The following KAZN variants were observed in gnomAD, a reference collection of about 807,000 sequenced individuals.
KAZN encodes kazrin.
KAZN carries 40 observed loss-of-function variants against 87.4 expected under a neutral mutation model. That is an observed-to-expected ratio of 0.46 (90% CI 0.36 to 0.60). KAZN has a LOEUF of 0.60. KAZN is among the 20% of genes least tolerant of loss of function. KAZN has a pLI of 0.00. For synonymous variants in KAZN, 466 were observed against 458.3 expected, an observed-to-expected ratio of 1.02 and a Z score of -0.22; for missense variants, 898 against 1,073.9, an observed-to-expected ratio of 0.84 and a Z score of 2.29.
chr1:14,409,397 A>G (rs530841801), intron 2 of KAZN, among the ~76,000 whole-genome samples: 1 of 152,266 alleles, frequency 6.6e-6, no homozygotes, highest in African/African-American at 2.4e-5. Context: ...ATGGAGGAAA[A>G]CCACCTACCT....
intron 1 of KAZN, among the ~76,000 whole-genome samples, chr1:14,604,081 A>G (rs1373065300): frequency 6.6e-6 from 1 of 152,078 alleles, no homozygotes; most frequent in African/African-American, 2.4e-5. Context: ...CCCCTGCCAT[A>G]TATCAGGGGG....
chr1:14,741,915 A>G (rs979453515), intron 1 of KAZN, among the ~76,000 whole-genome samples: 3 of 152,022 alleles, frequency 2.0e-5, no homozygotes, highest in African/African-American at 7.3e-5. Flanking sequence ...CTGTTAACCA[A>G]TTCAATGTTG....
intron 2 of KAZN, among the ~76,000 whole-genome samples, chr1:14,549,410 C>T (rs1673362564): frequency 6.6e-6 from 1 of 152,134 alleles, no homozygotes; most frequent in Non-Finnish European, 1.5e-5. Flanking sequence ...AGAGGAAGTC[C>T]CTTCCCAAAT....
At chr1:14,227,498 C>T (rs561447924) in intron 2 of KAZN, among the ~76,000 whole-genome samples, 1 of 152,258 alleles carries the variant, frequency 6.6e-6, no homozygotes, top group Admixed American at 6.5e-5. Context: ...GCCCTCCAGC[C>T]TGGTGATCTC....
intron 1 of KAZN, among the ~76,000 whole-genome samples, chr1:14,775,934 G>C (rs942578112): frequency 3.3e-5 from 5 of 152,214 alleles, no homozygotes; most frequent in Non-Finnish European, 7.3e-5. Flanking sequence ...CTTCCACATG[G>C]AACCACCATA....
intron 2 of KAZN, among the ~76,000 whole-genome samples, chr1:14,437,662 C>T (rs1167172978): frequency 6.6e-6 from 1 of 152,184 alleles, no homozygotes; most frequent in Non-Finnish European, 1.5e-5. Flanking sequence ...AATCCGTGCC[C>T]CTGCCAGGAG....
At chr1:14,566,190 G>C (rs1261451825) in intron 2 of KAZN, among the ~76,000 whole-genome samples, 2 of 152,204 alleles carry the variant, frequency 1.3e-5, no homozygotes, top group African/African-American at 4.8e-5. Context: ...CTGCAGAAAG[G>C]ATGCTGTGTT....
chr1:15,109,737 GTGTGTT>G (rs780945829), intron 13 of KAZN, among the ~76,000 whole-genome samples: 2 of 150,932 alleles, frequency 1.3e-5, no homozygotes, highest in African/African-American at 2.5e-5. Flanking sequence ...CTGTGTGTAT[GTGTGTT>G]TGTGTTTGTA....
chr1:14,847,428 A>G (rs564979566), intron 1 of KAZN, among the ~76,000 whole-genome samples: 1 of 152,278 alleles, frequency 6.6e-6, no homozygotes, highest in South Asian at 2.1e-4. Context: ...ATTGAAATTG[A>G]TGTAGGCTTG....
In KAZN at chr1:13,968,573, A is replaced by G. The variant is rs137855796; in HGVS notation, c.91+74817A>G. The stretch of plus-strand genomic sequence containing the variant: ...TTCCGCATTGTCCATTCTGTCTTGA[A>G]TCACTTCCGGTTGGATTTTGTCCCT... On this transcript the variant is annotated intron_variant, in intron 1 of 16. Coordinates refer to the KAZN transcript ENST00000636203. 2.0e-3 allele frequency among the ~76,000 whole-genome samples: 306 copies of G among 152,280 alleles called. 2 individuals carry two copies. The highest frequency in any genetic ancestry group is 7.1e-3 in the African/African-American group (295 of 41,530).
In KAZN at chr1:15,112,539, C is replaced by T. The variant is rs770316798; in HGVS notation, c.2161C>T (p.Arg721Trp). The change falls in exon 14 of 15, where the codon CGG becomes TGG. Residue 721 changes from arginine to tryptophan, a missense_variant and splice_region_variant. This residue lies in a region of KAZN where 127 missense variants were observed against 121.5 expected (regional missense o/e 1.04). Transcript: ENST00000376030. ...NSSGLKYKAG[R>W]LPLGKIGRGF... ...CAGCGGTCTCAAGTACAAGGCTGGC[C>T]GGGTAAGTCTCTCAATGGATTTACC... is the stretch of plus-strand genomic sequence containing the variant. The T allele has an allele frequency of 1.5e-5, 23 of 1,561,056 alleles. No homozygotes were observed. The highest frequency in any genetic ancestry group is 3.0e-5 in the African/African-American group (2 of 67,460).
Position 14,933,943 on chromosome 1 carries a change from G to T in KAZN, c.227-26741G>T, listed in dbSNP as rs142628616. Among the ~76,000 whole-genome samples the T allele has an allele frequency of 6.1e-4, 93 of 151,222 alleles. No individual in the cohort carries two copies. In the East Asian group the frequency reaches 0.014, roughly 22 times the overall value. The stretch of plus-strand genomic sequence containing the variant: ...GCTCACTGCAAGCTCCGCCTCCCGG[G>T]TTCACGCCATTCTCCTGCCTCCGCC... On this transcript the variant is annotated intron_variant, in intron 1 of 14. Coordinates refer to ENST00000376030, the MANE Select transcript of KAZN (RefSeq NM_201628.3).
intron 2 of KAZN, among the ~76,000 whole-genome samples, chr1:14,380,778 T>TA (rs1661299195): frequency 1.3e-5 from 2 of 151,996 alleles, no homozygotes; most frequent in African/African-American, 4.8e-5. Flanking sequence ...AAAGAGGAGA[T>TA]AGAGAAAGAG....
At chr1:14,601,508 C>T (rs2148600545) in intron 1 of KAZN, among the ~76,000 whole-genome samples, 1 of 152,154 alleles carries the variant, frequency 6.6e-6, no homozygotes. Context: ...TGGCAGCATC[C>T]TGCTAGCACA....
At chr1:14,640,680 G>A (rs1680350374) in intron 1 of KAZN, among the ~76,000 whole-genome samples, 1 of 152,152 alleles carries the variant, frequency 6.6e-6, no homozygotes, top group Non-Finnish European at 1.5e-5. Context: ...AAACTAGAAG[G>A]TGCAACCTGG....
At chr1:14,074,143 T>C (rs1222287717) in intron 1 of KAZN, among the ~76,000 whole-genome samples, 2 of 152,186 alleles carry the variant, frequency 1.3e-5, no homozygotes, top group African/African-American at 4.8e-5. Flanking sequence ...CCAACTCAGC[T>C]AACAGACTGC....
chr1:14,810,654 G>A (rs1036347589), intron 1 of KAZN, among the ~76,000 whole-genome samples: 4 of 152,042 alleles, frequency 2.6e-5, no homozygotes, highest in Non-Finnish European at 5.9e-5. Flanking sequence ...CAAACTGCTA[G>A]CAAATGATAG....
intron 1 of KAZN, among the ~76,000 whole-genome samples, chr1:14,072,103 T>A (rs534332132): frequency 6.6e-6 from 1 of 152,280 alleles, no homozygotes; most frequent in African/African-American, 2.4e-5. Flanking sequence ...TGCCTCTGTA[T>A]CCTCACCTGT....
chr1:14,019,979 A>G lies in KAZN; in HGVS notation c.91+126223A>G, dbSNP rs1640749521. Among the ~76,000 whole-genome samples, 3 of 152,024 alleles carry G rather than the reference A, an allele frequency of 2.0e-5. No individual in the cohort carries two copies. The South Asian group carries it at 6.2e-4, about 32-fold the overall frequency. On this transcript the variant is annotated intron_variant, in intron 1 of 16. Transcript: ENST00000636203. The stretch of plus-strand genomic sequence containing the variant: ...TGAAATAATCATACAACTCATCATA[A>G]TGTCGAATCAGTGGGAGCCCTGAGC...
Sources: allele counts gnomAD v4.1 joint callset (sites outside exome capture counted in the v4.1 genomes callset), GRCh38; gene constraint gnomAD v4.1.1; regional missense constraint gnomAD v4.1.1; transcripts MANE v1.5; gene names NCBI Gene and HGNC (gene_info 2026-07-23, HGNC 2026-07-21).